Variants in RABGAP1L observed in about 807,000 individuals in gnomAD.
RABGAP1L encodes rab GTPase-activating protein 1-like.
A neutral mutation model predicts 137.7 loss-of-function variants in RABGAP1L; 63 were observed. The ratio of observed to expected loss-of-function variants is 0.46; its 90% CI spans 0.37 to 0.56. The LOEUF (loss-of-function observed/expected upper bound fraction) is 0.56, where lower values mean the gene tolerates loss of function less well. RABGAP1L is among the 20% of genes least tolerant of loss of function. The probability of loss-of-function intolerance (pLI) is 0.00; values close to 1 mark genes in which losing one functional copy is unlikely to be tolerated. For synonymous variants in RABGAP1L, 431 were observed against 433.7 expected (o/e 0.99, Z 0.08); for missense variants, 1,095 against 1,244.0 (o/e 0.88, Z 1.80).
At chr1:174,703,701 C>T (rs187494231) in intron 17 of RABGAP1L, among the ~76,000 whole-genome samples, 141 of 152,304 alleles carry the variant, frequency 9.3e-4, no homozygotes, top group African/African-American at 3.1e-3. Flanking sequence ...TTTACATTCT[C>T]ACCAGCAGTG....
intron 19 of RABGAP1L, among the ~76,000 whole-genome samples, chr1:174,868,037 C>T (rs1398712872): frequency 6.6e-6 from 1 of 152,126 alleles, no homozygotes; most frequent in Admixed American, 6.5e-5. Context: ...ACGATCTCTG[C>T]TCACCGCAGC....
Position 174,924,581 on chromosome 1 carries a change from A to T in RABGAP1L, c.2341-32876A>T, listed in dbSNP as rs939876506. Among the ~76,000 whole-genome samples the T allele has an allele frequency of 1.2e-4, 19 of 152,048 alleles. 1 individual carries two copies. The highest frequency in any genetic ancestry group is 4.4e-5 in the Non-Finnish European group (3 of 68,016). ...TAATTGGATTCTGCTCAGATGTATTACTTTTCCCCAGGCCCAGAAAAGATT... is the reference window on the plus strand; with the variant it reads ...TAATTGGATTCTGCTCAGATGTATTTCTTTTCCCCAGGCCCAGAAAAGATT... On this transcript the variant is annotated intron_variant, in intron 19 of 25. Transcript: ENST00000681986.
chr1:174,366,652 G>C (rs1684636483), intron 11 of RABGAP1L, among the ~76,000 whole-genome samples: 1 of 151,756 alleles, frequency 6.6e-6, no homozygotes, highest in Non-Finnish European at 1.5e-5. Flanking sequence ...GCGGGCCCCT[G>C]TAGTCCCAGC....
chr1:174,885,769 C>G (rs1247834221), intron 19 of RABGAP1L, among the ~76,000 whole-genome samples: 1 of 151,936 alleles, frequency 6.6e-6, no homozygotes, highest in African/African-American at 2.4e-5. Context: ...AGATCGAGAC[C>G]ATCTTGGCTA....
At chr1:174,320,322 A>T (rs1679832066) in intron 11 of RABGAP1L, among the ~76,000 whole-genome samples, 1 of 152,130 alleles carries the variant, frequency 6.6e-6, no homozygotes, top group East Asian at 1.9e-4. Context: ...CTTCAGTTTC[A>T]TATACATGGA....
At chr1:174,532,855 C>T (rs1254524250) in intron 13 of RABGAP1L, among the ~76,000 whole-genome samples, 1 of 152,128 alleles carries the variant, frequency 6.6e-6, no homozygotes, top group African/African-American at 2.4e-5. Flanking sequence ...CCACTTATAA[C>T]AAGTTTTGTT....
intron 11 of RABGAP1L, among the ~76,000 whole-genome samples, chr1:174,332,203 T>C (rs1320788988): frequency 2.0e-5 from 3 of 152,144 alleles, no homozygotes; most frequent in Non-Finnish European, 2.9e-5. Flanking sequence ...AGGCTATAAT[T>C]GTACAGTTGG....
chr1:174,222,483 A>G (rs1669832905), intron 3 of RABGAP1L, among the ~76,000 whole-genome samples: 1 of 152,240 alleles, frequency 6.6e-6, no homozygotes, highest in Non-Finnish European at 1.5e-5. Flanking sequence ...TACCACATAA[A>G]GTGGTGAAGA....
chr1:174,811,855 G>A lies in RABGAP1L; in HGVS notation c.2235G>A (p.Gln745=). The A allele has an allele frequency of 1.3e-6, 2 of 1,599,664 alleles. No individual in the cohort carries two copies. The highest frequency in any genetic ancestry group is 1.7e-6 in the Non-Finnish European group (2 of 1,173,236). ...AGACCTCAAAGGAAGACCTTCTGCA[G>A]GCTGATTTTGAAGGTGCTTTAAAGT... ...LLKTSKEDLL[Q]ADFEGALKFF... is the part of the protein sequence containing the mutation. Residue 745 remains glutamine, a synonymous_variant, in exon 19 of 26, where the codon CAG becomes CAA. Transcript: ENST00000681986.
At position 174,702,180 on chromosome 1, in the gene RABGAP1L, A is replaced by G; in HGVS notation, c.2093A>G (p.Gln698Arg). The G allele has an allele frequency of 6.2e-7, 1 of 1,612,328 alleles. No homozygotes were observed. Among genetic ancestry groups the G allele is most frequent in the Non-Finnish European group, 8.5e-7 (1 of 1,178,830 alleles). Residue 698 changes from glutamine (Q) to arginine (R), a missense_variant, in exon 17 of 26, where the codon CAG becomes CGG. By Grantham distance (43) the Gln-to-Arg change is conservative (BLOSUM62 1). This residue lies in a region of RABGAP1L where 312 missense variants were observed against 435.6 expected (regional missense o/e 0.72). Coordinates refer to ENST00000681986, the MANE Select transcript of RABGAP1L (RefSeq NM_001366446.1). The part of the protein sequence containing the change: ...LNLEAHMYAS[Q>R]WFLTLFTAKF... The stretch of plus-strand genomic sequence containing the variant: ...CTGGAAGCTCATATGTATGCATCCC[A>G]GTGGTTTCTCACTCTTTTTACTGCC...
chr1:174,304,957 A>G (rs1396977031), intron 10 of RABGAP1L, 29 bp from the exon 11 acceptor site: 2 of 1,491,654 alleles, frequency 1.3e-6, no homozygotes, highest in Non-Finnish European at 1.8e-6. Flanking sequence ...GATTTCTAAT[A>G]CTTAAATATA....
chr1:174,724,638 G>T (rs1681840427), intron 17 of RABGAP1L, among the ~76,000 whole-genome samples: 1 of 152,116 alleles, frequency 6.6e-6, no homozygotes, highest in South Asian at 2.1e-4. Context: ...ACTTTAATGT[G>T]CTGACACTGA....
At chr1:174,193,517 G>A (rs1005468569) in intron 1 of RABGAP1L, among the ~76,000 whole-genome samples, 3 of 152,190 alleles carry the variant, frequency 2.0e-5, no homozygotes, top group Admixed American at 6.5e-5. Flanking sequence ...GGGTGACAGA[G>A]CAAGACTCTC....
chr1:174,872,683 G>A (rs1652395406), intron 19 of RABGAP1L, among the ~76,000 whole-genome samples: 1 of 151,788 alleles, frequency 6.6e-6, no homozygotes, highest in South Asian at 2.1e-4. Context: ...TGAGACTACA[G>A]GAACTTGCTA....
At chr1:174,859,168 C>A (rs1337984920) in intron 19 of RABGAP1L, among the ~76,000 whole-genome samples, 1 of 152,122 alleles carries the variant, frequency 6.6e-6, no homozygotes, top group Non-Finnish European at 1.5e-5. Flanking sequence ...CTTAAATGCC[C>A]ATCAGTGATA....
intron 23 of RABGAP1L, among the ~76,000 whole-genome samples, chr1:174,979,279 A>G (rs1292604692): frequency 1.3e-5 from 2 of 152,228 alleles, no homozygotes; most frequent in Non-Finnish European, 2.9e-5. Flanking sequence ...ATAGTTTTCC[A>G]GATTTATTAA....
In RABGAP1L at chr1:174,491,281, C is replaced by T. The variant is rs191476719; in HGVS notation, c.1710+97136C>T. On this transcript the variant is annotated intron_variant, in intron 13 of 25. Transcript: ENST00000681986. ...CAGGGCCAAAGGGTTCTTTAGTCCA[C>T]AGGTGATGGGATCTGCCATGACTGG... Among the ~76,000 whole-genome samples, 176 of 152,140 alleles carry T rather than the reference C, an allele frequency of 1.2e-3. 1 individual carries two copies. The highest frequency in any genetic ancestry group is 4.1e-3 in the African/African-American group (172 of 41,494).
intron 4 of RABGAP1L, among the ~76,000 whole-genome samples, chr1:174,239,340 C>G (rs2148546531): frequency 6.6e-6 from 1 of 152,304 alleles, no homozygotes; most frequent in South Asian, 2.1e-4. Flanking sequence ...CTCTCCCTTT[C>G]TCTGTCTTCA....
At chr1:174,942,774 G>A (rs1032740848) in intron 19 of RABGAP1L, among the ~76,000 whole-genome samples, 1 of 152,198 alleles carries the variant, frequency 6.6e-6, no homozygotes, top group Admixed American at 6.5e-5. Context: ...ATTTCAGTCA[G>A]TGTGCAGTCC....
Sources: allele counts gnomAD v4.1 joint callset (sites outside exome capture counted in the v4.1 genomes callset), GRCh38; gene constraint gnomAD v4.1.1; regional missense constraint gnomAD v4.1.1; transcripts MANE v1.5; gene names NCBI Gene and HGNC (gene_info 2026-07-23, HGNC 2026-07-21).